SMCHD1: variants seen among roughly 807,000 people sequenced by gnomAD.
SMCHD1 encodes structural maintenance of chromosomes flexible hinge domain containing 1, also known as structural maintenance of chromosomes flexible hinge domain-containing protein 1.
In SMCHD1, 78 loss-of-function variants were observed where a neutral mutation model predicts 254.7. The observed-to-expected ratio is 0.31, with a 90% CI of 0.26 to 0.37. SMCHD1 has a LOEUF of 0.37. SMCHD1 is among the 10% of genes least tolerant of loss of function. The probability of loss-of-function intolerance (pLI) is 1.00; values close to 1 mark genes in which losing one functional copy is unlikely to be tolerated. For synonymous variants in SMCHD1, 766 were observed against 794.9 expected, an observed-to-expected ratio of 0.96 and a Z score of 0.61; for missense variants, 1,840 against 2,408.1, an observed-to-expected ratio of 0.76 and a Z score of 4.94.
chr18:2,666,817 C>G lies in SMCHD1; in HGVS notation c.263-53C>G, dbSNP rs2143804890. 4 of 1,402,070 alleles carry G rather than the reference C, an allele frequency of 2.9e-6. No individual in the cohort carries two copies. The South Asian group carries it at 5.5e-5, about 19-fold the overall frequency. The allele number at this position is 1,402,070 out of a possible 1,614,324, so 86.9% of individuals were successfully genotyped here. A position where few individuals can be genotyped will look rare whatever the true frequency, so the allele number is the denominator to read the frequency against. ...ATTTGTATATTCACAATTATAAGTT[C>G]ATTGAGTTTCTGATGCTGACCTAGC... On this transcript the variant is annotated intron_variant, in intron 2 of 47. Coordinates refer to ENST00000320876, the MANE Select transcript of SMCHD1 (RefSeq NM_015295.3).
chr18:2,761,972 A>C, intron 35 of SMCHD1, 133 bp from the exon 36 acceptor site: 1 of 733,298 alleles, frequency 1.4e-6, no homozygotes, highest in Non-Finnish European at 2.1e-6. Context: ...TACTTTTAAA[A>C]GATTAATGGA....
At chr18:2,785,807 T>C (rs1424645745) in intron 45 of SMCHD1, among the ~76,000 whole-genome samples, 2 of 152,152 alleles carry the variant, frequency 1.3e-5, no homozygotes, top group Non-Finnish European at 2.9e-5. Flanking sequence ...TTTCTGTCTC[T>C]CTGAATGTGA....
At chr18:2,725,974 A>G (rs762040727) in intron 21 of SMCHD1, among the ~76,000 whole-genome samples, 13 of 151,910 alleles carry the variant, frequency 8.6e-5, no homozygotes, top group Non-Finnish European at 1.3e-4. Context: ...ACAAAATACT[A>G]CTGACAAAAC....
chr18:2,708,909 A>G lies in SMCHD1; in HGVS notation c.2260+989A>G, dbSNP rs868243703. On this transcript the variant is annotated intron_variant, in intron 17 of 47. Transcript: ENST00000320876. ...ATATATATATATATATATATATATA[A>G]CATATTAACATGAAATTTATGAAGT... Among the ~76,000 whole-genome samples, 5 of 28,378 alleles carry G rather than the reference A, an allele frequency of 1.8e-4. 1 individual carries two copies. The highest frequency in any genetic ancestry group is 1.7e-3 in the South Asian group (1 of 574). 18.6% of individuals were successfully genotyped at this position (28,378 alleles called of 152,430 possible).
intron 19 of SMCHD1, among the ~76,000 whole-genome samples, chr18:2,720,909 G>A (rs960131496): frequency 1.3e-5 from 2 of 152,164 alleles, no homozygotes; most frequent in East Asian, 1.9e-4. Context: ...GAGCCACCAC[G>A]CCTGGTCAGT....
chr18:2,748,380 G>GTGTGTGTGTC (rs561439889), intron 30 of SMCHD1, among the ~76,000 whole-genome samples: 1 of 80,278 alleles, frequency 1.2e-5, no homozygotes, highest in African/African-American at 6.9e-5. Context: ...GTGTGTGTGT[G>GTGTGTGTGTC]TGTATATAAA....
chr18:2,684,836 A>G (rs541164897), intron 5 of SMCHD1, among the ~76,000 whole-genome samples: 1 of 152,082 alleles, frequency 6.6e-6, no homozygotes, highest in East Asian at 1.9e-4. Context: ...GTCTGTATTA[A>G]GTAATACTAA....
chr18:2,758,015 C>T (rs999134776), intron 34 of SMCHD1, among the ~76,000 whole-genome samples: 4 of 151,978 alleles, frequency 2.6e-5, no homozygotes, highest in African/African-American at 9.7e-5. Context: ...ATGAAAAAGC[C>T]ACTTTGGGAA....
intron 5 of SMCHD1, among the ~76,000 whole-genome samples, chr18:2,678,830 T>TG (rs369442608): frequency 2.2e-4 from 4 of 17,902 alleles, no homozygotes; most frequent in Non-Finnish European, 1.4e-3. Context: ...TTGTTTTTTT[T>TG]TTTTTTTTGT....
intron 5 of SMCHD1, among the ~76,000 whole-genome samples, chr18:2,679,010 G>A (rs2073855004): frequency 6.6e-6 from 1 of 151,130 alleles, no homozygotes; most frequent in Non-Finnish European, 1.5e-5. Flanking sequence ...ACAATGCCCG[G>A]CTAATTTTTG....
Position 2,784,557 on chromosome 18 carries a change from A to G in SMCHD1, c.5655A>G (p.Lys1885=), listed in dbSNP as rs2076209174. The change falls in exon 45 of 48, where the codon AAA becomes AAG. Residue 1885 remains lysine (K), a synonymous_variant. Transcript: ENST00000320876. ...AGAATAAAGCTCCTCCAATGGATAA[A>G]CTTCGGGGAATGGTATTTGGAGCTC... ...GLQNKAPPMD[K]LRGMVFGAPV... is the part of the protein sequence containing the mutation. The G allele has an allele frequency of 1.2e-6, 2 of 1,611,390 alleles. No individual in the cohort carries two copies.
rs369200044 is a variant in SMCHD1 at position 2,763,777 on chromosome 18, G to A, written c.4707G>A (p.Ser1569=). The stretch of plus-strand genomic sequence containing the variant: ...TTGAATTCCCCTTCGTGAATGGTTC[G>A]GCTGAAATCATGGTAAATTTTTTAT... ...RTLEFPFVNG[S]AEIMSLVLAE... is the part of the protein sequence containing the mutation. Residue 1569 remains serine (S), a synonymous_variant, in exon 37 of 48, where the codon TCG becomes TCA. Transcript: ENST00000320876. The A allele has an allele frequency of 8.4e-5, 135 of 1,604,876 alleles. No homozygotes were observed. In the South Asian group the frequency reaches 9.3e-4, roughly 11 times the overall value.
intron 5 of SMCHD1, among the ~76,000 whole-genome samples, chr18:2,678,392 C>T (rs1450345239): frequency 6.6e-6 from 1 of 151,620 alleles, no homozygotes; most frequent in African/African-American, 2.4e-5. Flanking sequence ...CCTCCACCTC[C>T]TGGGTTCCAG....
rs758780098 is a variant in SMCHD1, at chr18:2,718,849, G to T, written c.2458+415G>T. Among the ~76,000 whole-genome samples, 1 of 152,004 alleles carries T rather than the reference G, an allele frequency of 6.6e-6. No individual in the cohort carries two copies. Among genetic ancestry groups the T allele is most frequent in the Non-Finnish European group, 1.5e-5 (1 of 68,002 alleles). On this transcript the variant is annotated intron_variant, in intron 19 of 47. Coordinates refer to ENST00000320876, the MANE Select transcript of SMCHD1 (RefSeq NM_015295.3). The surrounding 1 kb of genome is among the most constrained non-coding windows in gnomAD (Gnocchi z 4.6). ...ATTACAGATGTGAGCCACCGTGCCC[G>T]GCCCATTTTGATTTTCAAATAGCTT...
Position 2,705,696 on chromosome 18 carries a change from C to A in SMCHD1, c.1845C>A (p.Val615=). 2 of 1,491,968 alleles carry A rather than the reference C, an allele frequency of 1.3e-6. No homozygotes were observed. The highest frequency in any genetic ancestry group is 1.8e-6 in the Non-Finnish European group (2 of 1,083,140). The allele number at this position is 1,491,968 out of a possible 1,614,324, so 92.4% of individuals were successfully genotyped here. A position where few individuals can be genotyped will look rare whatever the true frequency, so the allele number is the denominator to read the frequency against. The change falls in exon 14 of 48, where the codon GTC becomes GTA. Residue 615 remains valine, a splice_region_variant and synonymous_variant. Transcript: ENST00000320876. ...TTTTTTTAAAAACTAAATATTAGGT[C>A]AAGACAATCAAGACACTTCCCCTCT... ...DGKIYKAGQL[V]KTIKTLPLFY... is the part of the protein sequence containing the mutation.
intron 21 of SMCHD1, among the ~76,000 whole-genome samples, chr18:2,725,209 G>A (rs2075002636): frequency 6.6e-6 from 1 of 151,668 alleles, no homozygotes; most frequent in Non-Finnish European, 1.5e-5. Flanking sequence ...GATTAAACAT[G>A]AATTAAATAT....
intron 41 of SMCHD1, among the ~76,000 whole-genome samples, chr18:2,774,513 G>A (rs1213179837): frequency 6.6e-6 from 1 of 151,976 alleles, no homozygotes; most frequent in African/African-American, 2.4e-5. Context: ...CTGAGCTCAG[G>A]TCATCCTCCC....
At chr18:2,771,707 G>A in intron 40 of SMCHD1, 89 bp downstream of exon 40, 1 of 1,062,868 alleles carries the variant, frequency 9.4e-7, no homozygotes, top group Non-Finnish European at 1.3e-6. Flanking sequence ...GGAATTCTGA[G>A]TATTGTTGTT....
chr18:2,732,525 G>C (rs1377668165), intron 25 of SMCHD1, 33 bp downstream of exon 25: 1 of 1,396,446 alleles, frequency 7.2e-7, no homozygotes. Flanking sequence ...TTATTTGTAA[G>C]AACTTTTTAA....
Sources: allele counts gnomAD v4.1 joint callset (sites outside exome capture counted in the v4.1 genomes callset), GRCh38; gene constraint gnomAD v4.1.1; non-coding constraint Gnocchi (gnomAD v3.1); transcripts MANE v1.5; gene names NCBI Gene and HGNC (gene_info 2026-07-23, HGNC 2026-07-21).